Variants in GAR1 observed in about 807,000 individuals in gnomAD.
GAR1 encodes the protein H/ACA ribonucleoprotein complex subunit 1.
In GAR1, 11 loss-of-function variants were observed where a neutral mutation model predicts 29.3. The observed-to-expected ratio is 0.38, with a 90% CI of 0.24 to 0.62. The LOEUF (loss-of-function observed/expected upper bound fraction) is 0.62, where lower values mean the gene tolerates loss of function less well. Among genes scored for constraint, GAR1 ranks in the 20% least tolerant of loss-of-function variants. The pLI is 0.62. For missense variants in GAR1, 237 were observed against 268.4 expected, an observed-to-expected ratio of 0.88 and a Z score of 0.82; for synonymous variants, 87 against 93.3, an observed-to-expected ratio of 0.93 and a Z score of 0.39.
intron 2 of GAR1, among the ~76,000 whole-genome samples, chr4:109,817,507 T>C (rs911263481): frequency 2.0e-5 from 3 of 152,006 alleles, no homozygotes; most frequent in African/African-American, 7.3e-5. Context: ...CTGTTAGGCA[T>C]TGAAGAAAAG....
intron 3 of GAR1, among the ~76,000 whole-genome samples, chr4:109,818,670 T>C (rs1385055192): frequency 6.7e-6 from 1 of 149,936 alleles, no homozygotes; most frequent in Non-Finnish European, 1.5e-5. Context: ...GTTCGAGCAA[T>C]TCTCGTGCCT....
Position 109,823,965 on chromosome 4 carries a change from G to A in GAR1, c.572G>A (p.Gly191Asp). Reference protein sequence around the residue: ...GGGGRGGGRGGGFRGGRGGGG... With the variant: ...GGGGRGGGRGDGFRGGRGGGG... ...TTATTATTTAATAAATGTTTTTTAG[G>A]TGGTTTTAGAGGTGGAAGAGGAGGT... The change falls in exon 6 of 7, where the codon GGT becomes GAT. Residue 191 changes from glycine (G) to aspartate (D), a missense_variant and splice_region_variant. By Grantham distance (94) the Gly-to-Asp change is moderately conservative. Transcript: ENST00000226796. 1 of 1,590,186 alleles carries A rather than the reference G, an allele frequency of 6.3e-7. No individual in the cohort carries two copies. Among genetic ancestry groups the A allele is most frequent in the Non-Finnish European group, 8.6e-7 (1 of 1,160,380 alleles).
chr4:109,824,454 C>A lies in GAR1; in HGVS notation c.*23C>A. ...TAAGTGAAACAGTTGACAGACATCA[C>A]CAGTTGACTTCTGCATTAACCTGCA... On this transcript the variant is annotated 3_prime_UTR_variant, in exon 7 of 7. Coordinates refer to ENST00000226796, the MANE Select transcript of GAR1 (RefSeq NM_018983.4). The A allele has an allele frequency of 6.4e-7, 1 of 1,561,066 alleles. No individual in the cohort carries two copies. Among genetic ancestry groups the A allele is most frequent in the Non-Finnish European group, 8.8e-7 (1 of 1,132,558 alleles).
Position 109,818,975 on chromosome 4 carries a change from C to T in GAR1, c.370-26C>T. On this transcript the variant is annotated intron_variant, in intron 3 of 6. Coordinates refer to ENST00000226796, the MANE Select transcript of GAR1 (RefSeq NM_018983.4). ...GATATCATCTTTCATCTTAATTGCT[C>T]ATTTGTTCCTTAATGAAAATAATAG... is the stretch of plus-strand genomic sequence containing the variant. The T allele has an allele frequency of 3.2e-6, 3 of 946,644 alleles. No homozygotes were observed. The South Asian group carries it at 4.2e-5, about 13-fold the overall frequency. 58.6% of individuals were successfully genotyped at this position (946,644 alleles called of 1,614,324 possible). A position where few individuals can be genotyped will look rare whatever the true frequency, so the allele number is the denominator to read the frequency against.
In GAR1 at chr4:109,816,351, G is replaced by A. The variant is rs1333212278; in HGVS notation, c.187G>A (p.Asp63Asn). The change falls in exon 2 of 7, where the codon GAC (aspartate) becomes AAC (asparagine). Residue 63 changes from aspartate (D) to asparagine (N), a missense_variant. Coordinates refer to ENST00000226796, the MANE Select transcript of GAR1 (RefSeq NM_018983.4). ...GGRGGFNKGQ[D>N]QGPPERVVLL... The stretch of plus-strand genomic sequence containing the variant: ...CCGCGGAGGCTTTAACAAAGGCCAA[G>A]ACCAAGGACCTCCAGAACGTGTAGT... 1.2e-6 allele frequency: 2 copies of A among 1,614,004 alleles called. No homozygotes were observed. Among genetic ancestry groups the A allele is most frequent in the Admixed American group, 1.7e-5 (1 of 60,020 alleles).
Position 109,824,630 on chromosome 4 carries a change from C to G in GAR1, c.*199C>G. ...TCTAAAAGAGCATGAACAAGTCTTT[C>G]TAATGTTTTGTACAGTGCCTGGCAC... On this transcript the variant is annotated 3_prime_UTR_variant, in exon 7 of 7. Transcript: ENST00000226796. 1 of 550,500 alleles carries G rather than the reference C, an allele frequency of 1.8e-6. No individual in the cohort carries two copies. 34.1% of individuals were successfully genotyped at this position (550,500 alleles called of 1,614,324 possible).
Position 109,822,475 on chromosome 4 carries a change from TGGTGGCAGAGGC to T in GAR1, c.562_571+2del, listed in dbSNP as rs1733540560. ...GAGGAAGAGGAGGAGGTGGCAGAGG[TGGTGGCAGAGGC>T]GGTAAGTTACTTGGGGAAAATTTCT... On this transcript the variant is annotated inframe_deletion and splice_region_variant, in exon 5 of 7. Transcript: ENST00000226796. The T allele has an allele frequency of 2.5e-6, 4 of 1,601,404 alleles. No individual in the cohort carries two copies. Among genetic ancestry groups the T allele is most frequent in the Admixed American group, 1.7e-5 (1 of 57,726 alleles).
At chr4:109,824,368 T>C (rs1733596839) in intron 6 of GAR1, 50 bp from the exon 7 acceptor site, 2 of 1,298,500 alleles carry the variant, frequency 1.5e-6, no homozygotes, top group Non-Finnish European at 2.2e-6. Flanking sequence ...TATAATACTA[T>C]TAAAAATCCA....
Position 109,819,041 on chromosome 4 carries a change from C to G in GAR1, c.410C>G (p.Ser137Cys). The G allele has an allele frequency of 6.7e-7, 1 of 1,503,030 alleles. No homozygotes were observed. The highest frequency in any genetic ancestry group is 2.3e-5 in the East Asian group (1 of 44,296). 93.1% of individuals were successfully genotyped at this position (1,503,030 alleles called of 1,614,324 possible). A position where few individuals can be genotyped will look rare whatever the true frequency, so the allele number is the denominator to read the frequency against. The change falls in exon 4 of 7, where the codon TCC (serine) becomes TGC (cysteine). Residue 137 changes from serine to cysteine, a missense_variant. Transcript: ENST00000226796. Reference sequence around the variant, plus strand: ...TTGTCAGAAAACATGAAGGCTTCATCCTTTAAAAAACTACAGAAGGTGAGT... The same window carrying G: ...TTGTCAGAAAACATGAAGGCTTCATGCTTTAAAAAACTACAGAAGGTGAGT... The part of the protein sequence containing the change: ...VKLSENMKAS[S>C]FKKLQKFYID...
chr4:109,822,465 G>T lies in GAR1; in HGVS notation c.548G>T (p.Gly183Val). 1.2e-6 allele frequency: 2 copies of T among 1,601,150 alleles called. No individual in the cohort carries two copies. Among genetic ancestry groups the T allele is most frequent in the Non-Finnish European group, 1.7e-6 (2 of 1,172,344 alleles). Residue 183 changes from glycine to valine, a missense_variant, in exon 5 of 7, where the codon GGT becomes GTT. Physicochemically the swap from Gly to Val is moderately radical, Grantham distance 109. Transcript: ENST00000226796. ...GGCCGAGGAGGAGGAAGAGGAGGAG[G>T]TGGCAGAGGTGGTGGCAGAGGCGGT... ...RGGRGGGRGG[G>V]GRGGGRGGGF...
chr4:109,816,885 C>A (rs940278270), intron 2 of GAR1, among the ~76,000 whole-genome samples: 4 of 152,196 alleles, frequency 2.6e-5, no homozygotes, highest in Non-Finnish European at 5.9e-5. Flanking sequence ...CCCATGCTTT[C>A]TGTTACTACT....
chr4:109,824,729 T>G lies in GAR1; in HGVS notation c.*298T>G. 3.7e-6 allele frequency: 1 copy of G among 270,598 alleles called. No individual in the cohort carries two copies. Among genetic ancestry groups the G allele is most frequent in the Non-Finnish European group, 6.9e-6 (1 of 145,448 alleles). 16.8% of individuals were successfully genotyped at this position (270,598 alleles called of 1,614,324 possible). A position where few individuals can be genotyped will look rare whatever the true frequency, so the allele number is the denominator to read the frequency against. On this transcript the variant is annotated 3_prime_UTR_variant, in exon 7 of 7. Coordinates refer to ENST00000226796, the MANE Select transcript of GAR1 (RefSeq NM_018983.4). ...TGAATTTTTAAAATAAAGTGTTTTA[T>G]TCCCTTAAGTTATTTAGAGTGTGTT...
chr4:109,821,038 A>C (rs868089284), intron 4 of GAR1, among the ~76,000 whole-genome samples: 3 of 152,104 alleles, frequency 2.0e-5, no homozygotes, highest in Non-Finnish European at 4.4e-5. Flanking sequence ...TTAATTACAG[A>C]TACTAACTTG....
chr4:109,819,159 T>C (rs1733439560), intron 4 of GAR1, 99 bp downstream of exon 4: 1 of 770,052 alleles, frequency 1.3e-6, no homozygotes, highest in Non-Finnish European at 2.4e-6. Flanking sequence ...TCCCAACATA[T>C]CACTAGTAAA....
chr4:109,817,000 G>A (rs28542074), intron 2 of GAR1, among the ~76,000 whole-genome samples: 9,754 of 152,258 alleles, frequency 0.064, 1,004 homozygotes, highest in African/African-American at 0.22. Flanking sequence ...TTAACAATGA[G>A]ATGGGAATGG....
In GAR1 at chr4:109,816,306, G is replaced by A. The variant is rs202241831; in HGVS notation, c.142G>A (p.Gly48Arg). 3.7e-6 allele frequency: 6 copies of A among 1,612,960 alleles called. No individual in the cohort carries two copies. Among genetic ancestry groups the A allele is most frequent in the Non-Finnish European group, 4.2e-6 (5 of 1,179,652 alleles). ...CAATTTCAGAGGCGGCGGCAGGGGA[G>A]GATTTGGACGAGGGGGTGGCCGCGG... Reference protein sequence around the residue: ...GGNFRGGGRGGFGRGGGRGGF... With the variant: ...GGNFRGGGRGRFGRGGGRGGF... The change falls in exon 2 of 7, where the codon GGA (glycine) becomes AGA (arginine). Residue 48 changes from glycine to arginine, a missense_variant. Physicochemically the swap from Gly to Arg is moderately radical, Grantham distance 125 (BLOSUM62 -2). Coordinates refer to ENST00000226796, the MANE Select transcript of GAR1 (RefSeq NM_018983.4).
intron 4 of GAR1, among the ~76,000 whole-genome samples, chr4:109,821,650 GT>G (rs1033057684): frequency 6.6e-5 from 10 of 152,016 alleles, no homozygotes; most frequent in Admixed American, 4.6e-4. Flanking sequence ...TTAATGCTGT[GT>G]TTTTTAATAG....
chr4:109,822,637 A>C (rs985787815), intron 5 of GAR1, 149 bp downstream of exon 5: 4 of 712,842 alleles, frequency 5.6e-6, no homozygotes, highest in Non-Finnish European at 8.4e-6. Flanking sequence ...TGTCCATAAT[A>C]ATAATGCTTC....
chr4:109,820,454 A>G (rs4422417), intron 4 of GAR1, among the ~76,000 whole-genome samples: 27,437 of 151,982 alleles, frequency 0.18, 3,108 homozygotes, highest in East Asian at 0.43. Flanking sequence ...AAGTATACAG[A>G]CAGTACATGA....
Sources: gnomAD v4.1 joint callset for allele counts (sites outside exome capture counted in the v4.1 genomes callset) on GRCh38, gnomAD v4.1.1 for gene constraint, MANE v1.5 for transcripts, NCBI Gene and HGNC (gene_info 2026-07-23, HGNC 2026-07-21) for gene names.